FIP1L1: variants seen among roughly 807,000 people sequenced by gnomAD.
FIP1L1 encodes pre-mRNA 3'-end-processing factor FIP1.
FIP1L1 carries 21 observed loss-of-function variants against 84.6 expected under a neutral mutation model. That is an observed-to-expected ratio of 0.25 (90% CI 0.18 to 0.36). FIP1L1 has a LOEUF of 0.36. Ranked by LOEUF, FIP1L1 falls within the 10% of genes least tolerant of loss-of-function variation. The probability of loss-of-function intolerance (pLI) is 1.00; values close to 1 mark genes in which losing one functional copy is unlikely to be tolerated. For synonymous variants in FIP1L1, 263 were observed against 242.3 expected, an observed-to-expected ratio of 1.09 and a Z score of -0.80; for missense variants, 526 against 751.1, an observed-to-expected ratio of 0.70 and a Z score of 3.50.
chr4:53,379,095 C>T lies in FIP1L1; in HGVS notation c.108C>T (p.His36=), dbSNP rs1324882156. 2 of 1,613,946 alleles carry T rather than the reference C, an allele frequency of 1.2e-6. No individual in the cohort carries two copies. The highest frequency in any genetic ancestry group is 1.3e-5 in the African/African-American group (1 of 74,916). Residue 36 remains histidine, a synonymous_variant, in exon 2 of 18, where the codon CAC becomes CAT. Coordinates refer to ENST00000337488, the MANE Select transcript of FIP1L1 (RefSeq NM_030917.4). Reference sequence around the variant, plus strand: ...TAGGCCCATGGGACGTGCATGTGCACAGTGATTTGGCAAAGGACCTAGGTT... The same window carrying T: ...TAGGCCCATGGGACGTGCATGTGCATAGTGATTTGGCAAAGGACCTAGGTT... ...LYGGPWDVHV[H]SDLAKDLDEN... is the part of the protein sequence containing the mutation.
chr4:53,450,443 A>G (rs1775909068), intron 15 of FIP1L1, among the ~76,000 whole-genome samples: 2 of 152,200 alleles, frequency 1.3e-5, no homozygotes, highest in African/African-American at 2.4e-5. Flanking sequence ...TAAATGTTTC[A>G]TATGTGCTTG....
chr4:53,442,631 A>G (rs1165113605), intron 13 of FIP1L1, 22 bp from the exon 14 acceptor site: 2 of 1,560,584 alleles, frequency 1.3e-6, no homozygotes, highest in East Asian at 2.2e-5. Flanking sequence ...AACATTTTTT[A>G]TCTTATGATT....
Position 53,382,264 on chromosome 4 carries a change from TTTG to T in FIP1L1, c.171-8_171-6del, listed in dbSNP as rs1738512530. On this transcript the variant is annotated splice_polypyrimidine_tract_variant and intron_variant, in intron 3 of 17. Coordinates refer to ENST00000337488, the MANE Select transcript of FIP1L1 (RefSeq NM_030917.4). Reference sequence around the variant, plus strand: ...GTAATGCCTGACATGTATACTTACTTTTGTTGTTTGTAGTGCTAATCCTCCATC... The same window carrying T: ...GTAATGCCTGACATGTATACTTACTTTTGTTTGTAGTGCTAATCCTCCATC... 1.2e-6 allele frequency: 2 copies of T among 1,604,426 alleles called. No homozygotes were observed. The highest frequency in any genetic ancestry group is 3.3e-5 in the Admixed American group (2 of 59,974).
At chr4:53,442,836 T>C in intron 14 of FIP1L1, 129 bp downstream of exon 14, 1 of 570,444 alleles carries the variant, frequency 1.8e-6, no homozygotes, top group Non-Finnish European at 3.0e-6. Flanking sequence ...TAAATCTAGA[T>C]CTATGTTAGT....
intron 5 of FIP1L1, among the ~76,000 whole-genome samples, chr4:53,388,404 A>C (rs571273013): frequency 7.9e-5 from 12 of 151,220 alleles, no homozygotes; most frequent in Middle Eastern, 3.4e-3. Flanking sequence ...CAGTGGCGCG[A>C]TCTCACTGCA....
intron 10 of FIP1L1, among the ~76,000 whole-genome samples, chr4:53,413,072 AT>A (rs951905075): frequency 2.0e-4 from 30 of 152,124 alleles, no homozygotes; most frequent in African/African-American, 7.2e-4. Context: ...CGTATGTATG[AT>A]TTATATATAC....
chr4:53,386,509 C>T (rs1390242309), intron 5 of FIP1L1, among the ~76,000 whole-genome samples: 1 of 152,120 alleles, frequency 6.6e-6, no homozygotes, highest in Non-Finnish European at 1.5e-5. Flanking sequence ...AGAATAGAAA[C>T]ATGTACAAAG....
intron 11 of FIP1L1, among the ~76,000 whole-genome samples, chr4:53,416,040 A>G (rs1759351459): frequency 2.0e-5 from 3 of 152,248 alleles, no homozygotes; most frequent in Admixed American, 6.5e-5. Flanking sequence ...AAAAACCAGT[A>G]GAAATTTCAA....
At chr4:53,430,938 A>G (rs1276278795) in intron 13 of FIP1L1, among the ~76,000 whole-genome samples, 6 of 152,232 alleles carry the variant, frequency 3.9e-5, no homozygotes, top group African/African-American at 1.4e-4. Context: ...ATACCAGTTC[A>G]TTAAAACCAA....
At chr4:53,399,049 G>A (rs1269445595) in intron 9 of FIP1L1, among the ~76,000 whole-genome samples, 2 of 152,152 alleles carry the variant, frequency 1.3e-5, no homozygotes, top group Non-Finnish European at 2.9e-5. Context: ...TACTCGGGGG[G>A]CTGTGAGGCA....
intron 13 of FIP1L1, among the ~76,000 whole-genome samples, chr4:53,438,177 A>G (rs1770321596): frequency 1.3e-5 from 2 of 152,124 alleles, no homozygotes; most frequent in African/African-American, 4.8e-5. Flanking sequence ...CTCATTTTTC[A>G]GATAAAGGAT....
intron 15 of FIP1L1, among the ~76,000 whole-genome samples, chr4:53,448,083 C>T (rs1774954318): frequency 1.3e-5 from 2 of 152,148 alleles, no homozygotes; most frequent in Admixed American, 1.3e-4. Flanking sequence ...TGCCTTTCTC[C>T]ACCTCAAGTA....
At chr4:53,451,639 A>G (rs1007129204) in intron 15 of FIP1L1, among the ~76,000 whole-genome samples, 5 of 149,598 alleles carry the variant, frequency 3.3e-5, no homozygotes, top group Admixed American at 3.3e-4. Flanking sequence ...GTGTAGTTAC[A>G]TATAATTTGA....
Position 53,414,595 on chromosome 4 carries a change from T to G in FIP1L1, c.816-20T>G. On this transcript the variant is annotated intron_variant, in intron 10 of 17. Transcript: ENST00000337488. Reference sequence around the variant, plus strand: ...AGACAACAATATGTAAGAAAAAACATAGAAAATTTATCTCACCAGAAACAG... The same window carrying G: ...AGACAACAATATGTAAGAAAAAACAGAGAAAATTTATCTCACCAGAAACAG... The G allele has an allele frequency of 1.3e-6, 2 of 1,544,012 alleles. No homozygotes were observed. Among genetic ancestry groups the G allele is most frequent in the East Asian group, 2.3e-5 (1 of 43,084 alleles).
intron 15 of FIP1L1, among the ~76,000 whole-genome samples, chr4:53,451,539 T>C (rs1715937578): frequency 6.6e-6 from 1 of 151,348 alleles, no homozygotes; most frequent in Non-Finnish European, 1.5e-5. Context: ...TTTCAAAAAA[T>C]CCTGTTTTCT....
Position 53,433,716 on chromosome 4 carries a change from G to A in FIP1L1, c.1174+5533G>A, listed in dbSNP as rs138600471. 1.7e-3 allele frequency among the ~76,000 whole-genome samples: 263 copies of A among 152,228 alleles called. 1 individual carries two copies. Among genetic ancestry groups the A allele is most frequent in the African/African-American group, 6.1e-3 (254 of 41,512 alleles). On this transcript the variant is annotated intron_variant, in intron 13 of 17. Coordinates refer to ENST00000337488, the MANE Select transcript of FIP1L1 (RefSeq NM_030917.4). Reference sequence around the variant, plus strand: ...ACTGAGATATAGCCCAACTACTGTGGACCACAAACCAGGATCCCTGCTTTT... The same window carrying A: ...ACTGAGATATAGCCCAACTACTGTGAACCACAAACCAGGATCCCTGCTTTT...
At chr4:53,399,630 A>T in intron 9 of FIP1L1, 100 bp from the exon 10 acceptor site, 1 of 756,168 alleles carries the variant, frequency 1.3e-6, no homozygotes, top group Non-Finnish European at 2.2e-6. Flanking sequence ...CTTAGTGTTT[A>T]ACTTCAAATT....
chr4:53,398,785 A>G (rs534502223), intron 9 of FIP1L1, among the ~76,000 whole-genome samples: 1 of 152,332 alleles, frequency 6.6e-6, no homozygotes, highest in Non-Finnish European at 1.5e-5. Flanking sequence ...AAAGGATCTA[A>G]TAAGAGCAGA....
At chr4:53,386,866 G>A (rs1050849581) in intron 5 of FIP1L1, among the ~76,000 whole-genome samples, 27 of 152,124 alleles carry the variant, frequency 1.8e-4, no homozygotes, top group African/African-American at 5.3e-4. Flanking sequence ...CCAAAGCCAT[G>A]GTTTTTAGTT....
Sources: allele counts gnomAD v4.1 joint callset (sites outside exome capture counted in the v4.1 genomes callset), GRCh38; gene constraint gnomAD v4.1.1; transcripts MANE v1.5; gene names NCBI Gene and HGNC (gene_info 2026-07-23, HGNC 2026-07-21).